GRIA4: variants seen among roughly 807,000 people sequenced by gnomAD.
GRIA4 encodes the protein glutamate ionotropic receptor AMPA type subunit 4, also known as glutamate receptor 4.
Under a neutral mutation model 104.0 loss-of-function variants are expected in GRIA4, and 34 were observed. That is an observed-to-expected ratio of 0.33 (90% confidence interval 0.25 to 0.44). The LOEUF is 0.44. Ranked by LOEUF, GRIA4 falls within the 20% of genes least tolerant of loss-of-function variation. The probability of loss-of-function intolerance (pLI) is 1.00; values close to 1 mark genes in which losing one functional copy is unlikely to be tolerated. For synonymous variants in GRIA4, 386 were observed against 381.9 expected, an observed-to-expected ratio of 1.01 and a Z score of -0.13; for missense variants, 750 against 1,096.5, an observed-to-expected ratio of 0.68 and a Z score of 4.46.
chr11:105,648,814 T>C (rs937233101), intron 3 of GRIA4, among the ~76,000 whole-genome samples: 5 of 152,240 alleles, frequency 3.3e-5, no homozygotes, highest in Admixed American at 6.5e-5. Flanking sequence ...GTAATTGTGA[T>C]TTTTGCCATT....
At chr11:105,833,547 T>C (rs901692706) in intron 4 of GRIA4, among the ~76,000 whole-genome samples, 1 of 151,960 alleles carries the variant, frequency 6.6e-6, no homozygotes, top group Non-Finnish European at 1.5e-5. Flanking sequence ...ATAAGTATTC[T>C]ACCTGAATTT....
At chr11:105,813,822 A>G (rs187825513) in intron 4 of GRIA4, among the ~76,000 whole-genome samples, 2 of 152,258 alleles carry the variant, frequency 1.3e-5, no homozygotes, top group East Asian at 1.9e-4. Context: ...CAAGATAGAC[A>G]ATGACAGATC....
Position 105,610,903 on chromosome 11 carries a change from T to TTTTTTG in GRIA4, c.-90-3_-90-2insTTTGTT. ...TTTTTTTTTTTTGGTTGATTTTAAT[T>TTTTTTG]TTAGCGCCATCGTCTTCAATGCTTC... On this transcript the variant is annotated splice_polypyrimidine_tract_variant and splice_region_variant and intron_variant, in intron 1 of 16. Coordinates refer to ENST00000282499, the MANE Select transcript of GRIA4 (RefSeq NM_000829.4). The TTTTTTG allele has an allele frequency of 1.9e-6, 1 of 519,368 alleles. No individual in the cohort carries two copies. Among genetic ancestry groups the TTTTTTG allele is most frequent in the South Asian group, 4.2e-5 (1 of 23,874 alleles). The allele number at this position is 519,368 out of a possible 1,614,324, so 32.2% of individuals were successfully genotyped here.
At chr11:105,762,089 T>C (rs957179778) in intron 4 of GRIA4, among the ~76,000 whole-genome samples, 4 of 151,894 alleles carry the variant, frequency 2.6e-5, no homozygotes, top group African/African-American at 9.7e-5. Flanking sequence ...AATTGTGTGA[T>C]CTCAGCTCAC....
intron 5 of GRIA4, among the ~76,000 whole-genome samples, chr11:105,879,533 TA>T (rs1335539333): frequency 6.6e-6 from 1 of 152,254 alleles, no homozygotes; most frequent in Non-Finnish European, 1.5e-5. Context: ...GCTTTTCTGC[TA>T]ATTTGCTTTA....
chr11:105,892,410 A>G (rs920351223), intron 6 of GRIA4, among the ~76,000 whole-genome samples: 4 of 152,152 alleles, frequency 2.6e-5, no homozygotes, highest in African/African-American at 7.2e-5. Flanking sequence ...TAAAATTACA[A>G]AATGTTCTGG....
chr11:105,721,152 C>G (rs1446081097), intron 3 of GRIA4, among the ~76,000 whole-genome samples: 1 of 152,088 alleles, frequency 6.6e-6, no homozygotes, highest in Non-Finnish European at 1.5e-5. Flanking sequence ...TTTTTAATAT[C>G]TACGCAATCT....
In GRIA4 at chr11:105,980,670, G is replaced by C. The variant is rs948146021; in HGVS notation, c.*931G>C. On this transcript the variant is annotated 3_prime_UTR_variant, in exon 17 of 17. Transcript: ENST00000282499. ...TTCTGTGTACAACATTGTGGTTTTTGTACCCACCAAAAAGAATAAAACAGC... is the reference window on the plus strand; with the variant it reads ...TTCTGTGTACAACATTGTGGTTTTTCTACCCACCAAAAAGAATAAAACAGC... 3.9e-5 allele frequency: 6 copies of C among 152,500 alleles called. No individual in the cohort carries two copies. Among genetic ancestry groups the C allele is most frequent in the Admixed American group, 3.9e-4 (6 of 15,262 alleles). The allele number at this position is 152,500 out of a possible 1,614,324, so 9.4% of individuals were successfully genotyped here.
intron 4 of GRIA4, among the ~76,000 whole-genome samples, chr11:105,793,430 G>A (rs1942305958): frequency 6.6e-6 from 1 of 152,138 alleles, no homozygotes; most frequent in Non-Finnish European, 1.5e-5. Flanking sequence ...CTCCATCAGA[G>A]AAGAGACCCA....
intron 3 of GRIA4, among the ~76,000 whole-genome samples, chr11:105,617,134 T>C (rs1950620690): frequency 6.7e-6 from 1 of 149,678 alleles, no homozygotes; most frequent in South Asian, 2.1e-4. Flanking sequence ...TATGATTATA[T>C]ATATAAAATC....
rs7944044 is a variant in GRIA4 at position 105,870,489 on chromosome 11, G to A, written c.672+8281G>A. ...TTAGTCGATGCTGTGAAGGAACTCT[G>A]AATGCAAAGAAAAACAGAAGAACAC... On this transcript the variant is annotated intron_variant, in intron 5 of 16. Coordinates refer to ENST00000282499, the MANE Select transcript of GRIA4 (RefSeq NM_000829.4). 6.0e-3 allele frequency among the ~76,000 whole-genome samples: 901 copies of A among 151,036 alleles called. 6 individuals carry two copies. Among genetic ancestry groups the A allele is most frequent in the African/African-American group, 0.02 (838 of 41,122 alleles).
At chr11:105,910,133 C>T (rs1302160933) in intron 9 of GRIA4, among the ~76,000 whole-genome samples, 1 of 152,114 alleles carries the variant, frequency 6.6e-6, no homozygotes, top group Admixed American at 6.6e-5. Flanking sequence ...AGGGGATCTG[C>T]ATAAAATAAT....
chr11:105,779,356 C>T (rs560859306), intron 4 of GRIA4, among the ~76,000 whole-genome samples: 1 of 152,166 alleles, frequency 6.6e-6, no homozygotes, highest in East Asian at 1.9e-4. Context: ...TGAAAATGGC[C>T]ATACTGCCCA....
intron 4 of GRIA4, among the ~76,000 whole-genome samples, chr11:105,776,759 G>A (rs891882573): frequency 1.3e-5 from 2 of 152,168 alleles, no homozygotes; most frequent in African/African-American, 4.8e-5. Context: ...CAGAGAGCCA[G>A]ATGTGAAATT....
At chr11:105,829,196 T>G (rs1943883579) in intron 4 of GRIA4, among the ~76,000 whole-genome samples, 1 of 151,904 alleles carries the variant, frequency 6.6e-6, no homozygotes. Context: ...CTTAGTAATT[T>G]GCAGAAGACC....
intron 3 of GRIA4, among the ~76,000 whole-genome samples, chr11:105,730,136 G>T (rs1043788836): frequency 6.6e-6 from 1 of 152,118 alleles, no homozygotes; most frequent in South Asian, 2.1e-4. Flanking sequence ...AAACCCCATC[G>T]TCTCAGCCCA....
At chr11:105,871,859 T>G (rs779730798) in intron 5 of GRIA4, among the ~76,000 whole-genome samples, 47 of 152,214 alleles carry the variant, frequency 3.1e-4, no homozygotes, top group Non-Finnish European at 6.6e-4. Context: ...AATTATGAAC[T>G]GAACATATTT....
chr11:105,711,347 G>A lies in GRIA4; in HGVS notation c.248-41634G>A, dbSNP rs142345914. ...GCTAAATGACGAGTTAATGGGTGCA[G>A]CACACCAACATGGCACATGTATACT... On this transcript the variant is annotated intron_variant, in intron 3 of 16. Transcript: ENST00000282499. Among the ~76,000 whole-genome samples, 728 of 151,876 alleles carry A rather than the reference G, an allele frequency of 4.8e-3. 9 individuals carry two copies. Among genetic ancestry groups the A allele is most frequent in the East Asian group, 0.048 (244 of 5,126 alleles).
intron 14 of GRIA4, among the ~76,000 whole-genome samples, chr11:105,943,182 T>C (rs1192295833): frequency 6.6e-6 from 1 of 152,152 alleles, no homozygotes; most frequent in East Asian, 1.9e-4. Flanking sequence ...ATAGCTGCTT[T>C]TATTGCAGCA....
Sources: allele counts gnomAD v4.1 joint callset (sites outside exome capture counted in the v4.1 genomes callset), GRCh38; gene constraint gnomAD v4.1.1; transcripts MANE v1.5; gene names NCBI Gene and HGNC (gene_info 2026-07-23, HGNC 2026-07-21).